The following CEP128 variants were observed in gnomAD, a reference collection of about 807,000 sequenced individuals.
The protein encoded by CEP128 is centrosomal protein 128, also known as centrosomal protein 128kDa.
Under a neutral mutation model 156.7 loss-of-function variants are expected in CEP128, and 132 were observed. The ratio of observed to expected loss-of-function variants is 0.84; its 90% CI spans 0.73 to 0.97. The LOEUF is 0.97. CEP128 is among the 50% of genes least tolerant of loss of function. The pLI is 0.00. For synonymous variants in CEP128, 469 were observed against 448.9 expected, an observed-to-expected ratio of 1.04 and a Z score of -0.57; for missense variants, 1,252 against 1,281.9, an observed-to-expected ratio of 0.98 and a Z score of 0.36.
At chr14:80,910,552 C>G (rs1884149095) in intron 4 of CEP128, among the ~76,000 whole-genome samples, 1 of 152,178 alleles carries the variant, frequency 6.6e-6, no homozygotes, top group Non-Finnish European at 1.5e-5. Flanking sequence ...CATGATTGTA[C>G]GTTTCCTGAG....
chr14:80,730,725 G>A (rs757645091), intron 19 of CEP128, among the ~76,000 whole-genome samples: 1 of 152,176 alleles, frequency 6.6e-6, no homozygotes, highest in Non-Finnish European at 1.5e-5. Flanking sequence ...ATTAATCACT[G>A]TGAATTTCAA....
chr14:80,878,569 C>T (rs1595536165), intron 8 of CEP128, among the ~76,000 whole-genome samples: 2 of 152,148 alleles, frequency 1.3e-5, no homozygotes, highest in Non-Finnish European at 2.9e-5. Context: ...TCTACTGTGC[C>T]CTGTTGGTTC....
At chr14:80,573,054 CTGGGATTACAGGTGTGGGCTA>C (rs1891211866) in intron 20 of CEP128, among the ~76,000 whole-genome samples, 2 of 151,226 alleles carry the variant, frequency 1.3e-5, no homozygotes, top group African/African-American at 2.4e-5. Context: ...TCCCAAGTAG[CTGGGATTACAGGTGTGGGCTA>C]CCACGCCTGA....
Position 80,563,524 on chromosome 14 carries a change from C to CTTTTTTTTTTTTTT in CEP128, c.2857-4236_2857-4223dup, listed in dbSNP as rs540593415. The stretch of plus-strand genomic sequence containing the variant: ...GAAGCCTACCCATGGGCCTCCAAAT[C>CTTTTTTTTTTTTTT]TTTTTTTTTTTTTTTTTTTTTTTTT... On this transcript the variant is annotated intron_variant, in intron 20 of 24. Coordinates refer to ENST00000555265, the MANE Select transcript of CEP128 (RefSeq NM_152446.5). Among the ~76,000 whole-genome samples, 95 of 78,872 alleles carry CTTTTTTTTTTTTTT rather than the reference C, an allele frequency of 1.2e-3. 8 individuals carry two copies. Among genetic ancestry groups the CTTTTTTTTTTTTTT allele is most frequent in the East Asian group, 2.0e-3 (4 of 2,050 alleles). The allele number at this position is 78,872 out of a possible 152,430, so 51.7% of individuals were successfully genotyped here.
chr14:80,723,315 C>T (rs902571276), intron 19 of CEP128, among the ~76,000 whole-genome samples: 5 of 152,090 alleles, frequency 3.3e-5, no homozygotes, highest in African/African-American at 1.2e-4. Context: ...AACCTATAAA[C>T]GTGTCATACT....
At chr14:80,587,864 C>T (rs1891884280) in intron 19 of CEP128, among the ~76,000 whole-genome samples, 1 of 152,114 alleles carries the variant, frequency 6.6e-6, no homozygotes, top group African/African-American at 2.4e-5. Flanking sequence ...CCCACATGTA[C>T]TCTGCATTAC....
chr14:80,705,174 G>T (rs1490592139), intron 19 of CEP128, among the ~76,000 whole-genome samples: 4 of 151,310 alleles, frequency 2.6e-5, no homozygotes, highest in African/African-American at 9.7e-5. Context: ...TTTAAAGTTT[G>T]TCTGTTTGGA....
At chr14:80,636,194 A>C (rs1165785938) in intron 19 of CEP128, among the ~76,000 whole-genome samples, 2 of 152,168 alleles carry the variant, frequency 1.3e-5, no homozygotes, top group Non-Finnish European at 2.9e-5. Context: ...AGCTGTTTGC[A>C]TACATGGTAG....
intron 20 of CEP128, among the ~76,000 whole-genome samples, chr14:80,569,467 C>T (rs907069142): frequency 3.3e-5 from 5 of 152,250 alleles, no homozygotes; most frequent in East Asian, 3.9e-4. Flanking sequence ...GGGCAGTTTT[C>T]GCCGGTAATG....
chr14:80,903,361 A>T (rs942973299), intron 6 of CEP128, among the ~76,000 whole-genome samples: 4 of 152,168 alleles, frequency 2.6e-5, no homozygotes, highest in Non-Finnish European at 5.9e-5. Flanking sequence ...AAAATGGAGA[A>T]ACACTTAAAT....
intron 8 of CEP128, among the ~76,000 whole-genome samples, chr14:80,891,033 A>G (rs1889074207): frequency 6.6e-6 from 1 of 152,108 alleles, no homozygotes; most frequent in Admixed American, 6.6e-5. Context: ...CTTTTATCCA[A>G]AAGACAGGCA....
At chr14:80,848,013 T>G (rs139691999) in intron 9 of CEP128, among the ~76,000 whole-genome samples, 1 of 152,270 alleles carries the variant, frequency 6.6e-6, no homozygotes, top group East Asian at 1.9e-4. Flanking sequence ...CAAGCACTGG[T>G]CCTGGTACTG....
In CEP128 at chr14:80,761,703, G is replaced by A; in HGVS notation, c.2377-90C>T. On this transcript the variant is annotated intron_variant, in intron 16 of 24. Transcript: ENST00000555265. ...ATATCTGTTCAACCAACTAGAAGTG[G>A]ATTTGAAAAGAAATCTGATTCCATC... 3.5e-6 allele frequency: 3 copies of A among 865,904 alleles called. 1 individual carries two copies. Among genetic ancestry groups the A allele is most frequent in the East Asian group, 5.1e-5 (2 of 39,506 alleles). The allele number at this position is 865,904 out of a possible 1,614,324, so 53.6% of individuals were successfully genotyped here.
chr14:80,659,569 A>G (rs1158566353), intron 19 of CEP128, among the ~76,000 whole-genome samples: 1 of 152,216 alleles, frequency 6.6e-6, no homozygotes, highest in Non-Finnish European at 1.5e-5. Context: ...TGGTCTACTC[A>G]GTTGAGAGTT....
Position 80,840,782 on chromosome 14 carries a change from G to A in CEP128, c.763-14C>T, listed in dbSNP as rs1886314760. 1 of 1,547,738 alleles carries A rather than the reference G, an allele frequency of 6.5e-7. No homozygotes were observed. The highest frequency in any genetic ancestry group is 8.9e-7 in the Non-Finnish European group (1 of 1,124,032). On this transcript the variant is annotated splice_polypyrimidine_tract_variant and intron_variant, in intron 9 of 24. Coordinates refer to ENST00000555265, the MANE Select transcript of CEP128 (RefSeq NM_152446.5). ...TTTCTTTAGTGCCTGGAATGAAAGA[G>A]GTGGAAAAAAATTATCCCAAAATAT...
At chr14:80,514,868 G>T (rs1459145916) in intron 23 of CEP128, among the ~76,000 whole-genome samples, 1 of 152,160 alleles carries the variant, frequency 6.6e-6, no homozygotes, top group Non-Finnish European at 1.5e-5. Flanking sequence ...TTTCTGAGAA[G>T]GGTTTCCAAG....
At chr14:80,648,057 G>T (rs78456921) in intron 19 of CEP128, among the ~76,000 whole-genome samples, 2,304 of 152,046 alleles carry the variant, frequency 0.015, 61 homozygotes, top group African/African-American at 0.052. Context: ...TCACCCCTTT[G>T]GTCCTGATGA....
chr14:80,544,707 G>A (rs1332788109), intron 21 of CEP128, among the ~76,000 whole-genome samples: 2 of 152,122 alleles, frequency 1.3e-5, no homozygotes, highest in Non-Finnish European at 2.9e-5. Flanking sequence ...ATCCTTCTAT[G>A]TGATTCCATC....
At chr14:80,707,244 T>C (rs776034823) in intron 19 of CEP128, among the ~76,000 whole-genome samples, 18 of 152,178 alleles carry the variant, frequency 1.2e-4, no homozygotes, top group Non-Finnish European at 1.9e-4. Context: ...GTTAGGTTTA[T>C]CATGTGGGTC....
Sources: gnomAD v4.1 joint callset for allele counts (sites outside exome capture counted in the v4.1 genomes callset) on GRCh38, gnomAD v4.1.1 for gene constraint, MANE v1.5 for transcripts, NCBI Gene and HGNC (gene_info 2026-07-23, HGNC 2026-07-21) for gene names.